Variants in ATP2A2 observed in about 807,000 individuals in gnomAD.
ATP2A2 encodes the protein ATPase sarcoplasmic/endoplasmic reticulum Ca2+ transporting 2.
In ATP2A2, 14 loss-of-function variants were observed where a neutral mutation model predicts 109.3. That is an observed-to-expected ratio of 0.13 (90% CI 0.08 to 0.20). The LOEUF (loss-of-function observed/expected upper bound fraction) is 0.20, where lower values mean the gene tolerates loss of function less well. Ranked by LOEUF, ATP2A2 falls within the 10% of genes least tolerant of loss-of-function variation. The pLI, the probability that ATP2A2 is intolerant of heterozygous loss-of-function variation, is 1.00. For missense variants in ATP2A2, 657 were observed against 1,321.6 expected (o/e 0.50, Z 7.80); for synonymous variants, 506 against 490.9 (o/e 1.03, Z -0.41).
intron 4 of ATP2A2, among the ~76,000 whole-genome samples, chr12:110,294,295 G>A (rs993160396): frequency 6.6e-6 from 1 of 152,050 alleles, no homozygotes; most frequent in South Asian, 2.1e-4. Flanking sequence ...CGCCTGCCTC[G>A]GCCTCCCAAA....
chr12:110,347,948 C>T lies in ATP2A2; in HGVS notation c.*1478C>T. The T allele has an allele frequency of 1.0e-6, 1 of 987,448 alleles. No individual in the cohort carries two copies. Among genetic ancestry groups the T allele is most frequent in the Non-Finnish European group, 1.2e-6 (1 of 831,298 alleles). The allele number at this position is 987,448 out of a possible 1,614,324, so 61.2% of individuals were successfully genotyped here. ...GCACCGGGGTTGCCTGTGGCGCCTG[C>T]CATGTGACTCGGGCGCAGCATCAGC... On this transcript the variant is annotated 3_prime_UTR_variant, in exon 20 of 20. Coordinates refer to ENST00000539276, the MANE Select transcript of ATP2A2 (RefSeq NM_170665.4).
At chr12:110,293,147 G>A (rs1303047290) in intron 4 of ATP2A2, among the ~76,000 whole-genome samples, 1 of 151,912 alleles carries the variant, frequency 6.6e-6, no homozygotes, top group Non-Finnish European at 1.5e-5. Context: ...GCACGATCTC[G>A]GCTCACTGCA....
chr12:110,334,373 C>T (rs1325081969), intron 11 of ATP2A2: 1 of 568,478 alleles, frequency 1.8e-6, no homozygotes, highest in Non-Finnish European at 3.1e-6. Flanking sequence ...TCTGGGCCCA[C>T]AGGGGCTGCC....
rs939290486 is a variant in ATP2A2, at chr12:110,348,035, G to C, written c.*1565G>C. 2 of 986,584 alleles carry C rather than the reference G, an allele frequency of 2.0e-6. No homozygotes were observed. The highest frequency in any genetic ancestry group is 3.5e-5 in the African/African-American group (2 of 57,236). The allele number at this position is 986,584 out of a possible 1,614,324, so 61.1% of individuals were successfully genotyped here. On this transcript the variant is annotated 3_prime_UTR_variant, in exon 20 of 20. Transcript: ENST00000539276. ...TGCCTAGGACAAGATGACCAGGAGGGCCCAAGCCAGACAAAAGCCGGAGTG... is the reference window on the plus strand; with the variant it reads ...TGCCTAGGACAAGATGACCAGGAGGCCCCAAGCCAGACAAAAGCCGGAGTG...
intron 3 of ATP2A2, among the ~76,000 whole-genome samples, chr12:110,290,286 T>C (rs1413769460): frequency 6.6e-6 from 1 of 152,214 alleles, no homozygotes; most frequent in Non-Finnish European, 1.5e-5. Flanking sequence ...CCTCCTGCCT[T>C]GGCCTCCCAA....
At chr12:110,287,208 G>A (rs1342752326) in intron 3 of ATP2A2, among the ~76,000 whole-genome samples, 1 of 152,082 alleles carries the variant, frequency 6.6e-6, no homozygotes, top group East Asian at 1.9e-4. Flanking sequence ...AGCCGAGATT[G>A]CGCCACTGCA....
intron 8 of ATP2A2, 38 bp downstream of exon 8, chr12:110,328,055 C>G (rs751411697): frequency 1.3e-6 from 2 of 1,583,854 alleles, no homozygotes; most frequent in Non-Finnish European, 8.6e-7. Context: ...TGTCGTGGTT[C>G]TTTGTTCATC....
chr12:110,346,209 C>T lies in ATP2A2; in HGVS notation c.2868C>T (p.Phe956=), dbSNP rs778784425. 2.5e-6 allele frequency: 4 copies of T among 1,614,204 alleles called. No individual in the cohort carries two copies. In the South Asian group the frequency reaches 3.3e-5, roughly 13 times the overall value. ...ILYVEPLPLI[F]QITPLNVTQW... is the part of the protein sequence containing the mutation. ...TCTTCCCTGTGTGTCAGCTCATCTT[C>T]CAGATCACACCGCTGAACGTGACCC... The change falls in exon 20 of 20, where the codon TTC becomes TTT. Residue 956 remains phenylalanine (F), a synonymous_variant. Coordinates refer to ENST00000539276, the MANE Select transcript of ATP2A2 (RefSeq NM_170665.4).
intron 5 of ATP2A2, among the ~76,000 whole-genome samples, chr12:110,318,604 G>C (rs955662999): frequency 3.9e-5 from 6 of 152,126 alleles, no homozygotes; most frequent in African/African-American, 1.2e-4. Flanking sequence ...CTCCCAAGTA[G>C]CTGGGATTGC....
Position 110,339,171 on chromosome 12 carries a change from T to G in ATP2A2, c.1420-110T>G. 6.8e-7 allele frequency: 1 copy of G among 1,461,868 alleles called. No individual in the cohort carries two copies. The highest frequency in any genetic ancestry group is 9.5e-7 in the Non-Finnish European group (1 of 1,052,342). The allele number at this position is 1,461,868 out of a possible 1,614,324, so 90.6% of individuals were successfully genotyped here. On this transcript the variant is annotated intron_variant, in intron 11 of 19. Coordinates refer to ENST00000539276, the MANE Select transcript of ATP2A2 (RefSeq NM_170665.4). The surrounding 1 kb of genome is among the most constrained non-coding windows in gnomAD (Gnocchi z 4.4). ...GAGGGCAAAAACCTGTCTGTTTTGT[T>G]TATTGCTATATTCCTAGCATCTGTC...
intron 5 of ATP2A2, among the ~76,000 whole-genome samples, chr12:110,307,353 T>C (rs939161036): frequency 6.6e-6 from 1 of 151,776 alleles, no homozygotes; most frequent in African/African-American, 2.4e-5. Flanking sequence ...ACCTGAGCCT[T>C]CCAGGTTAGC....
Position 110,348,862 on chromosome 12 carries a change from G to C in ATP2A2, c.*2392G>C. The C allele has an allele frequency of 1.0e-6, 1 of 985,432 alleles. No individual in the cohort carries two copies. The highest frequency in any genetic ancestry group is 1.7e-5 in the African/African-American group (1 of 57,346). 61.0% of individuals were successfully genotyped at this position (985,432 alleles called of 1,614,324 possible). On this transcript the variant is annotated 3_prime_UTR_variant, in exon 20 of 20. Transcript: ENST00000539276. ...GTGTAACAAGAAATGGGTTGAATGG[G>C]CCAAATGCAAGGAGTGCATCTCTGG...
rs541783415 is a variant in ATP2A2 at position 110,346,125 on chromosome 12, G to C, written c.2859+7G>C. 2.5e-6 allele frequency: 4 copies of C among 1,614,194 alleles called. No homozygotes were observed. Among genetic ancestry groups the C allele is most frequent in the Non-Finnish European group, 2.5e-6 (3 of 1,180,032 alleles). ...CTATGTCGAACCCTTGCCAGTAAGT[G>C]GTTGGGTGGGGCTTGGGACCAGCCA... On this transcript the variant is annotated splice_region_variant and intron_variant, in intron 19 of 19. Coordinates refer to ENST00000539276, the MANE Select transcript of ATP2A2 (RefSeq NM_170665.4).
In ATP2A2 at chr12:110,339,592, C is replaced by A; in HGVS notation, c.1632C>A (p.Ile544=). 1.9e-6 allele frequency: 3 copies of A among 1,614,156 alleles called. No individual in the cohort carries two copies. Among genetic ancestry groups the A allele is most frequent in the Non-Finnish European group, 2.5e-6 (3 of 1,180,046 alleles). Residue 544 remains isoleucine (I), a synonymous_variant, in exon 13 of 20, where the codon ATC becomes ATA. Transcript: ENST00000539276. This position sits in a 1 kb window ranked among gnomAD's most constrained non-coding sequence, Gnocchi z 4.4. ...TGACCTCTGGAGTCAAACAGAAGAT[C>A]ATGTCTGTCATTCGAGAGTGGGGTA... The part of the protein sequence containing the change: ...VPMTSGVKQK[I]MSVIREWGSG...
chr12:110,350,686 C>A lies in ATP2A2; in HGVS notation c.*4216C>A. 3.6e-6 allele frequency: 1 copy of A among 279,224 alleles called. No individual in the cohort carries two copies. Among genetic ancestry groups the A allele is most frequent in the East Asian group, 8.4e-5 (1 of 11,944 alleles). The allele number at this position is 279,224 out of a possible 1,614,324, so 17.3% of individuals were successfully genotyped here. ...GTACAGTATTCAATTGTAATGCATGCCTTCGGTTGTAAGTAGCCAGATCCC... is the reference window on the plus strand; with the variant it reads ...GTACAGTATTCAATTGTAATGCATGACTTCGGTTGTAAGTAGCCAGATCCC... On this transcript the variant is annotated 3_prime_UTR_variant, in exon 20 of 20. Transcript: ENST00000539276.
chr12:110,329,146 C>T (rs1193794487), intron 8 of ATP2A2, among the ~76,000 whole-genome samples: 1 of 152,140 alleles, frequency 6.6e-6, no homozygotes, highest in Non-Finnish European at 1.5e-5. Context: ...CTCCAGTATA[C>T]TTGAAAACAT....
At chr12:110,314,340 A>AG (rs1566219389) in intron 5 of ATP2A2, among the ~76,000 whole-genome samples, 1 of 151,544 alleles carries the variant, frequency 6.6e-6, no homozygotes, top group Admixed American at 6.6e-5. Context: ...AAAAAAGAAA[A>AG]AAAAAAAAAA....
chr12:110,306,489 A>G (rs959408160), intron 5 of ATP2A2, among the ~76,000 whole-genome samples: 1 of 152,130 alleles, frequency 6.6e-6, no homozygotes, highest in Non-Finnish European at 1.5e-5. Flanking sequence ...TACTTCACAG[A>G]TAGTTTTTCA....
Position 110,281,699 on chromosome 12 carries a change from C to T in ATP2A2, c.-91C>T. 1.1e-6 allele frequency: 1 copy of T among 900,232 alleles called. No homozygotes were observed. The highest frequency in any genetic ancestry group is 1.5e-6 in the Non-Finnish European group (1 of 650,664). The allele number at this position is 900,232 out of a possible 1,614,324, so 55.8% of individuals were successfully genotyped here. A position where few individuals can be genotyped will look rare whatever the true frequency, so the allele number is the denominator to read the frequency against. On this transcript the variant is annotated 5_prime_UTR_variant, in exon 1 of 20. Transcript: ENST00000539276. ...GGGAGAGCCCGTCCGCGCCTGGGCTCCCGGGGTGGCACGAGCCCGCGGCCG... is the reference window on the plus strand; with the variant it reads ...GGGAGAGCCCGTCCGCGCCTGGGCTTCCGGGGTGGCACGAGCCCGCGGCCG...
Sources: allele counts gnomAD v4.1 joint callset (sites outside exome capture counted in the v4.1 genomes callset), GRCh38; gene constraint gnomAD v4.1.1; non-coding constraint Gnocchi (gnomAD v3.1); transcripts MANE v1.5; gene names NCBI Gene and HGNC (gene_info 2026-07-23, HGNC 2026-07-21).